APOL3: variants seen among roughly 807,000 people sequenced by gnomAD.
APOL3 encodes the protein TNF-inducible protein CG12-1.
APOL3 carries 14 observed loss-of-function variants against 11.6 expected under a neutral mutation model. The observed-to-expected ratio is 1.21, with a 90% CI of 0.80 to 1.89. The LOEUF (loss-of-function observed/expected upper bound fraction) is 1.89. Among genes scored for constraint, APOL3 ranks in the 40% most tolerant of loss-of-function variants. APOL3 has a pLI of 0.00. For missense variants in APOL3, 483 were observed against 492.1 expected (o/e 0.98, Z 0.17); for synonymous variants, 192 against 190.6 (o/e 1.01, Z -0.06).
chr22:36,150,811 G>A (rs1013116736), intron 1 of APOL3, among the ~76,000 whole-genome samples: 1 of 152,190 alleles, frequency 6.6e-6, no homozygotes, highest in Non-Finnish European at 1.5e-5. Flanking sequence ...CTTGAACCCA[G>A]GAGGCAGAAG....
exon 3 of APOL3, chr22:36,141,971 C>T (rs745778770): frequency 3.7e-6 from 6 of 1,614,222 alleles, no homozygotes; most frequent in Non-Finnish European, 2.5e-6. Context: ...CCCTAAACTG[C>T]TCATCTTTCT....
At chr22:36,141,394 T>C (rs1434800227) in exon 3 of APOL3, 6 of 1,614,080 alleles carry the variant, frequency 3.7e-6, no homozygotes, top group African/African-American at 1.3e-5. Context: ...GCACTCAGGA[T>C]CCGGGCTCCT....
At chr22:36,147,697 C>T (rs958334178) in intron 1 of APOL3, among the ~76,000 whole-genome samples, 5 of 152,198 alleles carry the variant, frequency 3.3e-5, no homozygotes, top group African/African-American at 9.6e-5. Flanking sequence ...TTATTTTTTC[C>T]TCCTTCACTG....
upstream of APOL3, chr22:36,165,639 A>G (rs2013840920): frequency 6.6e-6 from 1 of 152,180 alleles, no homozygotes; most frequent in Non-Finnish European, 1.5e-5. Context: ...TAGAATCCAT[A>G]AAACTCCAAA....
At chr22:36,162,485 G>T (rs1195930195), upstream of APOL3, among the ~76,000 whole-genome samples, 1 of 152,132 alleles carries the variant, frequency 6.6e-6, no homozygotes, top group Admixed American at 6.6e-5. Flanking sequence ...CCTAATTTTA[G>T]TTATATAACC....
At chr22:36,161,193 G>C (rs1012704767), upstream of APOL3, among the ~76,000 whole-genome samples, 12 of 152,062 alleles carry the variant, frequency 7.9e-5, no homozygotes, top group African/African-American at 2.2e-4. Flanking sequence ...GGGTTATTTT[G>C]TTGTTTTGTT....
intron 2 of APOL3, among the ~76,000 whole-genome samples, chr22:36,143,340 T>C (rs1297591226): frequency 6.6e-6 from 1 of 152,244 alleles, no homozygotes; most frequent in Admixed American, 6.5e-5. Context: ...CTGATTTTAA[T>C]CTGTGTTCTT....
At chr22:36,145,343 G>T in intron 2 of APOL3, 130 bp downstream of exon 3, 2 of 1,207,470 alleles carry the variant, frequency 1.7e-6, no homozygotes, top group Non-Finnish European at 2.3e-6. Context: ...CTGGACTGCT[G>T]AGAGGGACAT....
upstream of APOL3, chr22:36,161,410 A>G (rs113953632): frequency 3.4e-5 from 6 of 175,708 alleles, no homozygotes; most frequent in African/African-American, 1.4e-4. Context: ...GTTGGTTTCA[A>G]ACTCTGGCCT....
chr22:36,145,573 T>C, exon 2 of APOL3: 1 of 1,613,994 alleles, frequency 6.2e-7, no homozygotes, highest in Non-Finnish European at 8.5e-7. Flanking sequence ...AAGTATTTGG[T>C]GGCCTCTTCA....
intron 1 of APOL3, among the ~76,000 whole-genome samples, chr22:36,150,352 C>T (rs2060386896): frequency 6.6e-6 from 1 of 152,166 alleles, no homozygotes; most frequent in African/African-American, 2.4e-5. Flanking sequence ...CTCGACTTTG[C>T]ACCACTAATT....
intron 1 of APOL3, among the ~76,000 whole-genome samples, chr22:36,147,705 C>T (rs1353627594): frequency 6.6e-6 from 1 of 152,168 alleles, no homozygotes; most frequent in Non-Finnish European, 1.5e-5. Flanking sequence ...TCCTCCTTCA[C>T]TGAAAGGATG....
At chr22:36,149,202 G>T (rs1173597334) in intron 1 of APOL3, 60 bp from the exon 2 acceptor site, 14 of 1,321,442 alleles carry the variant, frequency 1.1e-5, no homozygotes, top group Non-Finnish European at 1.4e-5. Context: ...ACAGAGGGAG[G>T]TTGGAGGGGC....
chr22:36,159,693 C>G (rs2013472829), intron 1 of APOL3: 1 of 152,280 alleles, frequency 6.6e-6, no homozygotes, highest in South Asian at 2.1e-4. Context: ...GAAAAGGAAC[C>G]AGGTGAGTGT....
At chr22:36,143,260 C>T (rs569827603) in intron 2 of APOL3, among the ~76,000 whole-genome samples, 1 of 152,358 alleles carries the variant, frequency 6.6e-6, no homozygotes, top group South Asian at 2.1e-4. Flanking sequence ...GAGAACACAG[C>T]GTCCTGAGGA....
chr22:36,145,276 C>G, intron 2 of APOL3, among the ~76,000 whole-genome samples, 197 bp downstream of exon 3: 1 of 152,210 alleles, frequency 6.6e-6, no homozygotes, highest in East Asian at 1.9e-4. Flanking sequence ...TGGGCTTCCT[C>G]TCCCCTCAGC....
chr22:36,141,783 G>C (rs752287216), exon 3 of APOL3: 2 of 1,614,056 alleles, frequency 1.2e-6, no homozygotes, highest in African/African-American at 2.7e-5. Flanking sequence ...TGTAAATGGT[G>C]CCAAAACAAG....
intron 1 of APOL3, chr22:36,149,920 C>T (rs758876255): frequency 2.2e-6 from 1 of 456,186 alleles, no homozygotes; most frequent in South Asian, 1.5e-5. Context: ...GATGCTTCTG[C>T]TTCAACTTCC....
chr22:36,161,712 G>A (rs182676750), upstream of APOL3, among the ~76,000 whole-genome samples: 18 of 152,278 alleles, frequency 1.2e-4, no homozygotes, highest in South Asian at 3.3e-3. Flanking sequence ...TGAACAAAGT[G>A]GGGGGCGGAT....
Sources: gnomAD v4.1 joint callset for allele counts (sites outside exome capture counted in the v4.1 genomes callset) on GRCh38, gnomAD v4.1.1 for gene constraint, MANE v1.5 for transcripts, NCBI Gene and HGNC (gene_info 2026-07-23, HGNC 2026-07-21) for gene names.